KDM4B: variants seen among roughly 807,000 people sequenced by gnomAD.
The protein encoded by KDM4B is lysine demethylase 4B, also known as lysine-specific demethylase 4B.
KDM4B carries 32 observed loss-of-function variants against 125.2 expected under a neutral mutation model. The observed-to-expected ratio is 0.26, with a 90% CI of 0.19 to 0.34. The LOEUF is 0.34. KDM4B is among the 10% of genes least tolerant of loss of function. The pLI is 1.00. For synonymous variants in KDM4B, 721 were observed against 677.9 expected, an observed-to-expected ratio of 1.06 and a Z score of -0.99; for missense variants, 1,190 against 1,577.7, an observed-to-expected ratio of 0.75 and a Z score of 4.16.
rs1023331038 is a variant in KDM4B, at chr19:5,115,869, G to T, written c.1116-3784G>T. ...CACTGACAGACAGAGCTGGAAGATA[G>T]GAAGGATCAGGAAGTCAGAGGCGTA... On this transcript the variant is annotated intron_variant, in intron 10 of 22. Coordinates refer to ENST00000159111, the MANE Select transcript of KDM4B (RefSeq NM_015015.3). The surrounding 1 kb of genome is among the most constrained non-coding windows in gnomAD (Gnocchi z 4.2). Among the ~76,000 whole-genome samples the T allele has an allele frequency of 6.6e-6, 1 of 152,164 alleles. No homozygotes were observed. Among genetic ancestry groups the T allele is most frequent in the South Asian group, 2.1e-4 (1 of 4,828 alleles).
At chr19:4,969,497 G>A (rs1446240143) in intron 1 of KDM4B, among the ~76,000 whole-genome samples, 1 of 149,572 alleles carries the variant, frequency 6.7e-6, no homozygotes, top group Non-Finnish European at 1.5e-5. Context: ...CGGGAGCGGG[G>A]GCCCCTTCCC....
At chr19:5,104,124 T>C (rs1048599170) in intron 9 of KDM4B, among the ~76,000 whole-genome samples, 7 of 152,162 alleles carry the variant, frequency 4.6e-5, no homozygotes, top group Admixed American at 1.3e-4. Flanking sequence ...CCCTGGCCAA[T>C]GAGTCCCGCT....
chr19:5,151,763 G>GTAAGTT lies in KDM4B; in HGVS notation c.*256_*257insTTTAAG. On this transcript the variant is annotated 3_prime_UTR_variant, in exon 23 of 23. Coordinates refer to ENST00000159111, the MANE Select transcript of KDM4B (RefSeq NM_015015.3). ...TCAACTACTCAGAATTTTAAACCATGTAAGCTCTCTTCTTCTCGAAAAGGT... is the reference window on the plus strand; with the variant it reads ...TCAACTACTCAGAATTTTAAACCATGTAAGTTTAAGCTCTCTTCTTCTCGAAAAGGT... 1 of 382,208 alleles carries GTAAGTT rather than the reference G, an allele frequency of 2.6e-6. No individual in the cohort carries two copies. Among genetic ancestry groups the GTAAGTT allele is most frequent in the Non-Finnish European group, 4.6e-6 (1 of 215,934 alleles). The allele number at this position is 382,208 out of a possible 1,614,324, so 23.7% of individuals were successfully genotyped here. A position where few individuals can be genotyped will look rare whatever the true frequency, so the allele number is the denominator to read the frequency against.
intron 21 of KDM4B, among the ~76,000 whole-genome samples, chr19:5,148,532 CTG>C (rs2039890514): frequency 6.6e-6 from 1 of 152,244 alleles, no homozygotes; most frequent in Non-Finnish European, 1.5e-5. Context: ...GACTGAATCA[CTG>C]TGTGCCACGC....
chr19:5,083,100 CCTTG>C (rs1381943402), intron 9 of KDM4B, among the ~76,000 whole-genome samples: 1 of 152,120 alleles, frequency 6.6e-6, no homozygotes, highest in African/African-American at 2.4e-5. Flanking sequence ...AGTGAGTGGC[CCTTG>C]CTTGATTTTT....
intron 1 of KDM4B, among the ~76,000 whole-genome samples, chr19:4,989,399 A>ACGC (rs2034958843): frequency 6.6e-6 from 1 of 151,994 alleles, no homozygotes; most frequent in South Asian, 2.1e-4. Flanking sequence ...GTGCAGTGGC[A>ACGC]CGATCTTGGC....
At chr19:5,066,731 A>G (rs914760329) in intron 6 of KDM4B, among the ~76,000 whole-genome samples, 16 of 152,224 alleles carry the variant, frequency 1.1e-4, no homozygotes, top group African/African-American at 3.4e-4. Flanking sequence ...AAGGGTGGCT[A>G]CCAGGTATAT....
chr19:5,028,777 G>A (rs2036360350), intron 2 of KDM4B, among the ~76,000 whole-genome samples: 1 of 152,194 alleles, frequency 6.6e-6, no homozygotes, highest in Non-Finnish European at 1.5e-5. Context: ...CCTGGTGGGA[G>A]TGAGGTGGTG....
intron 6 of KDM4B, among the ~76,000 whole-genome samples, chr19:5,050,638 C>T (rs1480025184): frequency 1.3e-5 from 2 of 152,160 alleles, no homozygotes; most frequent in African/African-American, 2.4e-5. Context: ...CGGTGGTTTG[C>T]GCCTGTAATC....
At chr19:5,111,258 G>C (rs2039138525) in intron 10 of KDM4B, 2 of 664,610 alleles carry the variant, frequency 3.0e-6, no homozygotes, top group Non-Finnish European at 5.4e-6. Flanking sequence ...AGAGCAGTCG[G>C]GTTCCCTGCA....
At chr19:5,040,543 A>G (rs2036777757) in intron 4 of KDM4B, among the ~76,000 whole-genome samples, 2 of 152,164 alleles carry the variant, frequency 1.3e-5, no homozygotes, top group Non-Finnish European at 2.9e-5. Context: ...GGGCACACCT[A>G]TGGGCGCCTA....
intron 9 of KDM4B, among the ~76,000 whole-genome samples, chr19:5,090,419 C>G (rs1344664112): frequency 1.2e-5 from 1 of 81,046 alleles, no homozygotes; most frequent in East Asian, 4.9e-4. Flanking sequence ...CCCCTCTCCC[C>G]CTCTGTCTCT....
intron 1 of KDM4B, among the ~76,000 whole-genome samples, chr19:4,987,487 G>C (rs558416750): frequency 2.0e-5 from 3 of 152,098 alleles, no homozygotes; most frequent in Non-Finnish European, 2.9e-5. Context: ...CCGGAGGGGG[G>C]TTATCTCGGG....
chr19:5,113,212 TC>T (rs1487095261), intron 10 of KDM4B: 1 of 148,398 alleles, frequency 6.7e-6, no homozygotes, highest in Non-Finnish European at 1.5e-5. Context: ...CCTCCCGCCC[TC>T]TCCCGCGCCG....
At chr19:4,988,570 C>T (rs1250514313) in intron 1 of KDM4B, among the ~76,000 whole-genome samples, 6 of 152,290 alleles carry the variant, frequency 3.9e-5, no homozygotes, top group Non-Finnish European at 5.9e-5. Context: ...CCACCGTGCC[C>T]GGCCTCATGA....
chr19:5,117,022 C>T (rs979716820), intron 10 of KDM4B, among the ~76,000 whole-genome samples: 2 of 152,156 alleles, frequency 1.3e-5, no homozygotes, highest in Non-Finnish European at 1.5e-5. Flanking sequence ...GTGATGGCTG[C>T]CCCTCTGCCG....
chr19:5,067,208 C>A (rs543064051), intron 6 of KDM4B, among the ~76,000 whole-genome samples: 1 of 152,172 alleles, frequency 6.6e-6, no homozygotes, highest in Non-Finnish European at 1.5e-5. Context: ...CTGCAAGAGT[C>A]CTTGTTGCAC....
intron 2 of KDM4B, among the ~76,000 whole-genome samples, chr19:5,023,687 G>A (rs2036192142): frequency 3.9e-5 from 6 of 152,156 alleles, no homozygotes; most frequent in Admixed American, 3.9e-4. Flanking sequence ...GAGGGCTCGA[G>A]GGAGCCCCCA....
At chr19:5,148,679 T>C in intron 21 of KDM4B, among the ~76,000 whole-genome samples, 1 of 152,234 alleles carries the variant, frequency 6.6e-6, no homozygotes, top group South Asian at 2.1e-4. Flanking sequence ...AACCCGCTGC[T>C]GCCCTTGGCA....
Sources: allele counts gnomAD v4.1 joint callset (sites outside exome capture counted in the v4.1 genomes callset), GRCh38; gene constraint gnomAD v4.1.1; non-coding constraint Gnocchi (gnomAD v3.1); transcripts MANE v1.5; gene names NCBI Gene and HGNC (gene_info 2026-07-23, HGNC 2026-07-21).